RAB38: variants seen among roughly 807,000 people sequenced by gnomAD.
RAB38 encodes the protein ras-related protein Rab-38.
Under a neutral mutation model 18.4 loss-of-function variants are expected in RAB38, and 15 were observed. The ratio of observed to expected loss-of-function variants is 0.82; its 90% confidence interval spans 0.55 to 1.26. RAB38 has a LOEUF of 1.26. RAB38 is among the 50% of genes most tolerant of loss of function. RAB38 has a pLI of 0.00. For synonymous variants in RAB38, 101 were observed against 104.4 expected, an observed-to-expected ratio of 0.97 and a Z score of 0.20; for missense variants, 294 against 267.4, an observed-to-expected ratio of 1.10 and a Z score of -0.69.
At chr11:88,146,426 G>A (rs147921853) in intron 2 of RAB38, among the ~76,000 whole-genome samples, 2 of 152,262 alleles carry the variant, frequency 1.3e-5, no homozygotes, top group African/African-American at 4.8e-5. Context: ...TCACTCAAAA[G>A]GACTCTAATT....
the RAB38 span, among the ~76,000 whole-genome samples, chr11:87,806,769 T>G: frequency 6.6e-6 from 1 of 152,234 alleles, no homozygotes; most frequent in Non-Finnish European, 1.5e-5. Flanking sequence ...TTAATCAATG[T>G]TGCACTGAGC....
At chr11:87,861,441 C>T in the RAB38 span, among the ~76,000 whole-genome samples, 43,126 of 151,680 alleles carry the variant, frequency 0.28, 7,756 homozygotes, top group African/African-American at 0.49. Flanking sequence ...GCTTTACCAG[C>T]ACAATCCTGA....
chr11:88,070,657 C>T, the RAB38 span, among the ~76,000 whole-genome samples: 1 of 152,092 alleles, frequency 6.6e-6, no homozygotes, highest in African/African-American at 2.4e-5. Flanking sequence ...TCTCTGGTTG[C>T]CAGACATCAG....
At chr11:87,960,394 A>AAAG in the RAB38 span, among the ~76,000 whole-genome samples, 3 of 151,750 alleles carry the variant, frequency 2.0e-5, no homozygotes, top group Middle Eastern at 3.2e-3. Context: ...AAAAGAAAAA[A>AAAG]AGAGAGAAAT....
intron 1 of RAB38, among the ~76,000 whole-genome samples, chr11:88,163,354 G>T (rs757016861): frequency 6.6e-6 from 1 of 152,132 alleles, no homozygotes; most frequent in Non-Finnish European, 1.5e-5. Context: ...AGGAAAAGGT[G>T]TAGGCTGAAT....
the RAB38 span, among the ~76,000 whole-genome samples, chr11:87,930,183 A>G: frequency 6.6e-6 from 1 of 152,134 alleles, no homozygotes; most frequent in Admixed American, 6.5e-5. Flanking sequence ...TCCCACCAAC[A>G]GTGTAAAAGT....
At chr11:87,958,520 G>C in the RAB38 span, among the ~76,000 whole-genome samples, 1 of 152,060 alleles carries the variant, frequency 6.6e-6, no homozygotes, top group African/African-American at 2.4e-5. Flanking sequence ...AGGAAGCGAG[G>C]CTCTTAGCAA....
At chr11:88,039,355 CTTTT>C in the RAB38 span, among the ~76,000 whole-genome samples, 1 of 151,594 alleles carries the variant, frequency 6.6e-6, no homozygotes, top group African/African-American at 2.4e-5. Context: ...ACTTCAGCTA[CTTTT>C]TTTTTATGAT....
the RAB38 span, among the ~76,000 whole-genome samples, chr11:87,927,734 T>C: frequency 6.6e-6 from 1 of 152,006 alleles, no homozygotes; most frequent in Non-Finnish European, 1.5e-5. Context: ...TACTTAACTT[T>C]TCTCTGCTTG....
the RAB38 span, among the ~76,000 whole-genome samples, chr11:87,901,737 C>T: frequency 4.6e-5 from 7 of 151,546 alleles, no homozygotes; most frequent in East Asian, 2.0e-4. Context: ...GCTTACACTA[C>T]AAATCTTAAA....
chr11:87,856,647 G>A, the RAB38 span, among the ~76,000 whole-genome samples: 1 of 152,114 alleles, frequency 6.6e-6, no homozygotes, highest in East Asian at 1.9e-4. Context: ...TTATCATCAA[G>A]GTGCCTTGGT....
At chr11:87,862,698 G>T in the RAB38 span, among the ~76,000 whole-genome samples, 1 of 151,654 alleles carries the variant, frequency 6.6e-6, no homozygotes, top group Non-Finnish European at 1.5e-5. Flanking sequence ...GATTAATAAT[G>T]CTGATCTTTA....
chr11:88,027,944 A>ACCCC, the RAB38 span, among the ~76,000 whole-genome samples: 2 of 151,998 alleles, frequency 1.3e-5, no homozygotes, highest in African/African-American at 4.8e-5. Context: ...TCCCTGACCC[A>ACCCC]TGACCCCTGA....
At chr11:87,934,582 G>T in the RAB38 span, among the ~76,000 whole-genome samples, 1 of 152,050 alleles carries the variant, frequency 6.6e-6, no homozygotes, top group African/African-American at 2.4e-5. Context: ...CTCGTGCAAT[G>T]CTAAATTACT....
chr11:88,072,198 A>C, the RAB38 span, among the ~76,000 whole-genome samples: 6 of 152,228 alleles, frequency 3.9e-5, no homozygotes, highest in African/African-American at 1.4e-4. Context: ...ATTTTGAAGA[A>C]AGAGGAAGCT....
chr11:87,941,345 T>TA, the RAB38 span, among the ~76,000 whole-genome samples: 1 of 150,154 alleles, frequency 6.7e-6, no homozygotes, highest in Admixed American at 6.7e-5. Context: ...GTGTGCAACT[T>TA]ACACTCATCG....
the RAB38 span, among the ~76,000 whole-genome samples, chr11:87,822,188 A>C: frequency 1.3e-5 from 2 of 152,162 alleles, no homozygotes; most frequent in African/African-American, 2.4e-5. Flanking sequence ...GATAAGTAGA[A>C]AGCACAAAAT....
chr11:87,910,628 A>ATTTTTTTTTTTTT, the RAB38 span, among the ~76,000 whole-genome samples: 3 of 74,194 alleles, frequency 4.0e-5, no homozygotes, highest in African/African-American at 1.8e-4. Flanking sequence ...TTCAAAGTTC[A>ATTTTTTTTTTTTT]TTTTCTTTTT....
chr11:87,837,296 T>A, the RAB38 span, among the ~76,000 whole-genome samples: 1 of 152,224 alleles, frequency 6.6e-6, no homozygotes, highest in Non-Finnish European at 1.5e-5. Flanking sequence ...TGCTTGTGTG[T>A]GAGCTCCATG....
Sources: gnomAD v4.1 joint callset for allele counts (sites outside exome capture counted in the v4.1 genomes callset) on GRCh38, gnomAD v4.1.1 for gene constraint, MANE v1.5 for transcripts, NCBI Gene and HGNC (gene_info 2026-07-23, HGNC 2026-07-21) for gene names.